ACSS3: variants seen among roughly 807,000 people sequenced by gnomAD.
ACSS3 encodes acyl-CoA synthetase short-chain family member 3, mitochondrial.
Under a neutral mutation model 84.2 loss-of-function variants are expected in ACSS3, and 64 were observed. The observed-to-expected ratio is 0.76, with a 90% CI of 0.62 to 0.94. The LOEUF (loss-of-function observed/expected upper bound fraction) is 0.94. ACSS3 is among the 40% of genes least tolerant of loss of function. The probability of loss-of-function intolerance (pLI) is 0.00; values close to 1 mark genes in which losing one functional copy is unlikely to be tolerated. For missense variants in ACSS3, 815 were observed against 867.6 expected (o/e 0.94, Z 0.76); for synonymous variants, 317 against 310.1 (o/e 1.02, Z -0.23).
intron 8 of ACSS3, among the ~76,000 whole-genome samples, chr12:81,184,890 C>T (rs1274712843): frequency 1.3e-5 from 2 of 151,526 alleles, no homozygotes; most frequent in Non-Finnish European, 3.0e-5. Context: ...TTTTATGGGG[C>T]CAGCATCATC....
At chr12:81,199,771 G>C in intron 9 of ACSS3, 1 of 1,000,796 alleles carries the variant, frequency 1.0e-6, no homozygotes, top group Non-Finnish European at 1.4e-6. Flanking sequence ...TCCACCTTCA[G>C]TATTCCCCTT....
chr12:81,235,152 G>A (rs1464381646), intron 13 of ACSS3, among the ~76,000 whole-genome samples: 1 of 151,296 alleles, frequency 6.6e-6, no homozygotes, highest in Non-Finnish European at 1.5e-5. Context: ...GATGCCAGTT[G>A]TTCCAGCATC....
intron 9 of ACSS3, among the ~76,000 whole-genome samples, chr12:81,201,370 T>C (rs1362259954): frequency 1.3e-5 from 2 of 152,236 alleles, no homozygotes; most frequent in Non-Finnish European, 2.9e-5. Context: ...TGTTTTTCCC[T>C]CTTCAAGGTG....
intron 4 of ACSS3, among the ~76,000 whole-genome samples, chr12:81,141,278 C>T (rs927286548): frequency 6.6e-6 from 1 of 152,064 alleles, no homozygotes; most frequent in South Asian, 2.1e-4. Flanking sequence ...TCTATTAGAC[C>T]TGCTGTTTTG....
At chr12:81,147,799 G>A (rs1290514951) in intron 5 of ACSS3, among the ~76,000 whole-genome samples, 2 of 151,806 alleles carry the variant, frequency 1.3e-5, no homozygotes, top group African/African-American at 4.8e-5. Flanking sequence ...CTGGTGATGG[G>A]TTTCTTTTCT....
At chr12:81,234,144 C>T (rs960829371) in intron 13 of ACSS3, among the ~76,000 whole-genome samples, 2 of 151,346 alleles carry the variant, frequency 1.3e-5, no homozygotes, top group Admixed American at 1.3e-4. Flanking sequence ...ATAGATGATA[C>T]AGTATTGTAA....
At chr12:81,185,168 T>TA (rs2031178969) in intron 8 of ACSS3, among the ~76,000 whole-genome samples, 1 of 151,722 alleles carries the variant, frequency 6.6e-6, no homozygotes, top group Non-Finnish European at 1.5e-5. Flanking sequence ...CCTTTCTTGA[T>TA]AAAAACCTTC....
chr12:81,191,441 C>T (rs570043656), intron 8 of ACSS3, among the ~76,000 whole-genome samples: 31 of 152,100 alleles, frequency 2.0e-4, no homozygotes, highest in Admixed American at 1.6e-3. Flanking sequence ...GGGTTTTGCT[C>T]GTCTCATAAA....
rs539756165 is a variant in ACSS3 at position 81,148,031 on chromosome 12, G to A, written c.922-3813G>A. On this transcript the variant is annotated intron_variant, in intron 5 of 15. Transcript: ENST00000548058. ...GTAAATATATATATATATTTGCCTT[G>A]TATGATTCTTTATTACAAAATAAAT... is the stretch of plus-strand genomic sequence containing the variant. Among the ~76,000 whole-genome samples the A allele has an allele frequency of 3.0e-3, 449 of 151,278 alleles. 5 individuals carry two copies. Among genetic ancestry groups the A allele is most frequent in the African/African-American group, 0.011 (439 of 41,146 alleles).
intron 13 of ACSS3, 69 bp downstream of exon 13, chr12:81,233,540 G>A: frequency 1.9e-6 from 3 of 1,564,440 alleles, no homozygotes; most frequent in Non-Finnish European, 8.7e-7. Flanking sequence ...AGACAATATT[G>A]AGGTTATTTC....
At chr12:81,138,624 T>C (rs1238035139) in intron 3 of ACSS3, among the ~76,000 whole-genome samples, 1 of 152,188 alleles carries the variant, frequency 6.6e-6, no homozygotes, top group East Asian at 1.9e-4. Context: ...TAATATAATG[T>C]AATATTTGGT....
intron 8 of ACSS3, among the ~76,000 whole-genome samples, chr12:81,189,554 T>G (rs2031457671): frequency 6.6e-6 from 1 of 152,140 alleles, no homozygotes; most frequent in Non-Finnish European, 1.5e-5. Context: ...TTATTTTCTC[T>G]TTCTTGTTAA....
intron 5 of ACSS3, among the ~76,000 whole-genome samples, chr12:81,147,060 G>A (rs930073660): frequency 6.6e-6 from 1 of 152,018 alleles, no homozygotes. Flanking sequence ...TTGATCTGTG[G>A]TACGCTCTTG....
chr12:81,158,631 C>G (rs1316800562), intron 7 of ACSS3, among the ~76,000 whole-genome samples: 1 of 151,974 alleles, frequency 6.6e-6, no homozygotes, highest in Non-Finnish European at 1.5e-5. Flanking sequence ...ACAACGTGCT[C>G]CTGTCTAATG....
intron 2 of ACSS3, among the ~76,000 whole-genome samples, chr12:81,121,915 A>ATATTATTATTGTTAT (rs1884641053): frequency 6.8e-6 from 1 of 146,112 alleles, no homozygotes; most frequent in Non-Finnish European, 1.5e-5. Context: ...AGAGTATGCT[A>ATATTATTATTGTTAT]TATTATTATT....
intron 8 of ACSS3, among the ~76,000 whole-genome samples, chr12:81,189,265 A>G (rs1401061711): frequency 6.6e-6 from 1 of 152,196 alleles, no homozygotes; most frequent in Non-Finnish European, 1.5e-5. Flanking sequence ...TGGTTACATT[A>G]CAGAGTATGT....
chr12:81,168,720 G>A (rs984093171), intron 7 of ACSS3, among the ~76,000 whole-genome samples: 2 of 152,130 alleles, frequency 1.3e-5, no homozygotes, highest in Non-Finnish European at 2.9e-5. Flanking sequence ...GGACAGTGAA[G>A]CATTTCTCCC....
At chr12:81,180,157 C>T (rs1476249731) in intron 8 of ACSS3, among the ~76,000 whole-genome samples, 1 of 152,170 alleles carries the variant, frequency 6.6e-6, no homozygotes, top group African/African-American at 2.4e-5. Context: ...CATGTTTACT[C>T]TTCTAAGTGT....
intron 5 of ACSS3, among the ~76,000 whole-genome samples, chr12:81,147,289 A>C (rs774029925): frequency 1.3e-5 from 2 of 152,240 alleles, no homozygotes; most frequent in Non-Finnish European, 2.9e-5. Context: ...TACAAGTGTC[A>C]AGGGTTTCTC....
Sources: gnomAD v4.1 joint callset for allele counts (sites outside exome capture counted in the v4.1 genomes callset) on GRCh38, gnomAD v4.1.1 for gene constraint, MANE v1.5 for transcripts, NCBI Gene and HGNC (gene_info 2026-07-23, HGNC 2026-07-21) for gene names.